The following CEP72 variants were observed in gnomAD, a reference collection of about 807,000 sequenced individuals.
The protein encoded by CEP72 is centrosomal protein of 72 kDa.
CEP72 carries 78 observed loss-of-function variants against 65.7 expected under a neutral mutation model. The ratio of observed to expected loss-of-function variants is 1.19; its 90% CI spans 0.99 to 1.43. The LOEUF (loss-of-function observed/expected upper bound fraction) is 1.43. Among genes scored for constraint, CEP72 ranks in the 40% most tolerant of loss-of-function variants. The probability of loss-of-function intolerance (pLI) is 0.00; values close to 1 mark genes in which losing one functional copy is unlikely to be tolerated. For synonymous variants in CEP72, 358 were observed against 351.7 expected (o/e 1.02, Z -0.20); for missense variants, 914 against 832.9 (o/e 1.10, Z -1.20).
At chr5:615,024 C>CT (rs1340504440) in intron 1 of CEP72, among the ~76,000 whole-genome samples, 21 of 146,016 alleles carry the variant, frequency 1.4e-4, no homozygotes, top group African/African-American at 5.1e-4. Context: ...GTGGATTTGT[C>CT]TGTTTTTTTT....
Position 644,410 on chromosome 5 carries a change from A to G in CEP72, c.1651A>G (p.Asn551Asp). 6.2e-7 allele frequency: 1 copy of G among 1,613,814 alleles called. No individual in the cohort carries two copies. The highest frequency in any genetic ancestry group is 1.1e-5 in the South Asian group (1 of 91,016). ...VKSADTAATL[N>D]LQIAGLQTSV... ...GAGTGCAGACACTGCAGCCACGTTA[A>G]ATTTGCAGATCGCTGGTAAGTTGAT... is the stretch of plus-strand genomic sequence containing the variant. Residue 551 changes from asparagine to aspartate, a missense_variant, in exon 10 of 12, where the codon AAT (asparagine) becomes GAT (aspartate). Transcript: ENST00000264935.
In CEP72 at chr5:645,255, C is replaced by T. The variant is rs1738337982; in HGVS notation, c.1666+830C>T. Among the ~76,000 whole-genome samples the T allele has an allele frequency of 6.6e-6, 1 of 152,092 alleles. No individual in the cohort carries two copies. Among genetic ancestry groups the T allele is most frequent in the Non-Finnish European group, 1.5e-5 (1 of 68,020 alleles). The stretch of plus-strand genomic sequence containing the variant: ...TGGATGAGGCCTGTGGCCGCTCTGT[C>T]TCCTTTGGGGCAGCGTCTCCTTGGA... On this transcript the variant is annotated intron_variant, in intron 10 of 11. Coordinates refer to ENST00000264935, the MANE Select transcript of CEP72 (RefSeq NM_018140.4). This position sits in a 1 kb window ranked among gnomAD's most constrained non-coding sequence, Gnocchi z 4.0.
chr5:656,662 C>A (rs971647735), downstream of CEP72, among the ~76,000 whole-genome samples: 1 of 152,310 alleles, frequency 6.6e-6, no homozygotes, highest in East Asian at 1.9e-4. Flanking sequence ...TTGCCTGTAG[C>A]TGTTTCCTCA....
chr5:667,456 ACTT>A (rs1340562163), downstream of CEP72, among the ~76,000 whole-genome samples: 11 of 152,202 alleles, frequency 7.2e-5, no homozygotes, highest in African/African-American at 1.9e-4. Context: ...TGAAACTAAA[ACTT>A]CTAGAAGAAC....
At chr5:665,225 G>A (rs759660460) in exon 3 of CEP72, 48 of 1,613,768 alleles carry the variant, frequency 3.0e-5, no homozygotes, top group Non-Finnish European at 3.7e-5. Context: ...AGGGGTCGAA[G>A]CGCTCCTTGT....
chr5:659,811 AT>A (rs1004038531), downstream of CEP72: 4 of 152,406 alleles, frequency 2.6e-5, no homozygotes, highest in Non-Finnish European at 4.4e-5. Flanking sequence ...TCCAGTACCT[AT>A]CCCCTGTTAT....
intron 7 of CEP72, 89 bp from the exon 8 acceptor site, chr5:639,000 A>C (rs1308107986): frequency 2.6e-6 from 4 of 1,542,636 alleles, no homozygotes; most frequent in Non-Finnish European, 3.6e-6. Flanking sequence ...TCGTGGTGCG[A>C]GGGCATCCCA....
chr5:614,927 G>A (rs1735896709), intron 1 of CEP72, among the ~76,000 whole-genome samples: 1 of 151,938 alleles, frequency 6.6e-6, no homozygotes, highest in African/African-American at 2.4e-5. Flanking sequence ...TGGTGATATT[G>A]TTCAGTTCTT....
the CEP72 span, among the ~76,000 whole-genome samples, chr5:675,381 AGC>A: frequency 1.6e-5 from 1 of 62,224 alleles, no homozygotes; most frequent in South Asian, 6.6e-4. Flanking sequence ...CCGGGGGTGC[AGC>A]GCAGAGGGTG....
chr5:647,086 A>G (rs890898736), intron 10 of CEP72, among the ~76,000 whole-genome samples: 1 of 152,122 alleles, frequency 6.6e-6, no homozygotes, highest in African/African-American at 2.4e-5. Context: ...TGGCCTTCAC[A>G]CTGTGGATGC....
chr5:623,902 CAG>C lies in CEP72; in HGVS notation c.404-567_404-566del, dbSNP rs1014515965. On this transcript the variant is annotated intron_variant, in intron 3 of 11. Coordinates refer to ENST00000264935, the MANE Select transcript of CEP72 (RefSeq NM_018140.4). This position sits in a 1 kb window ranked among gnomAD's most constrained non-coding sequence, Gnocchi z 5.3. ...ATGGAGGCAGCGTGGGAACTTGTCA[CAG>C]AATTCACATTACAAATGGGGGTTAA... Among the ~76,000 whole-genome samples the C allele has an allele frequency of 6.6e-6, 1 of 152,206 alleles. No individual in the cohort carries two copies. The highest frequency in any genetic ancestry group is 1.5e-5 in the Non-Finnish European group (1 of 68,046).
At chr5:657,824 C>A (rs1739419269), downstream of CEP72, among the ~76,000 whole-genome samples, 1 of 152,202 alleles carries the variant, frequency 6.6e-6, no homozygotes, top group Non-Finnish European at 1.5e-5. Flanking sequence ...GTCTGTTTGT[C>A]TTCTGTTAGA....
At chr5:663,478 A>C (rs886505383) in exon 2 of CEP72, 3 of 152,424 alleles carry the variant, frequency 2.0e-5, no homozygotes, top group African/African-American at 7.2e-5. Flanking sequence ...CCTCAGGTGG[A>C]GGCTTCTCTG....
chr5:621,804 C>G (rs1286670173), intron 3 of CEP72, among the ~76,000 whole-genome samples: 3 of 152,222 alleles, frequency 2.0e-5, no homozygotes, highest in Admixed American at 2.0e-4. Flanking sequence ...GACATAGTCT[C>G]GCTTCATCGC....
In CEP72 at chr5:624,524, T is replaced by C; in HGVS notation, c.457T>C (p.Ser153Pro). The C allele has an allele frequency of 1.2e-6, 2 of 1,614,162 alleles. No individual in the cohort carries two copies. The highest frequency in any genetic ancestry group is 1.7e-6 in the Non-Finnish European group (2 of 1,179,988). ...ERKASRLHFA[S>P]EDSLDSKESV... ...GAAGGCTTCCCGACTGCATTTTGCA[T>C]CAGAGGACTCACTCGACTCCAAAGA... The change falls in exon 4 of 12, where the codon TCA (serine) becomes CCA (proline). Residue 153 changes from serine (S) to proline (P), a missense_variant. By Grantham distance (74) the Ser-to-Pro change is moderately conservative (BLOSUM62 -1). Coordinates refer to ENST00000264935, the MANE Select transcript of CEP72 (RefSeq NM_018140.4). This position sits in a 1 kb window ranked among gnomAD's most constrained non-coding sequence, Gnocchi z 4.7.
chr5:618,396 G>A (rs1736132946), intron 1 of CEP72, among the ~76,000 whole-genome samples: 1 of 138,208 alleles, frequency 7.2e-6, no homozygotes, highest in Admixed American at 7.5e-5. Context: ...GAAAATAAAG[G>A]GATTTATTCC....
chr5:659,836 C>G (rs1739507053), downstream of CEP72: 1 of 152,428 alleles, frequency 6.6e-6, no homozygotes, highest in African/African-American at 2.4e-5. Context: ...CTGTTACAGA[C>G]ACGTGTGCTC....
intron 4 of CEP72, among the ~76,000 whole-genome samples, chr5:628,108 C>T (rs550267577): frequency 5.3e-5 from 8 of 152,358 alleles, no homozygotes; most frequent in East Asian, 1.9e-4. Flanking sequence ...CACAGTGGCA[C>T]AGACACGAGG....
chr5:662,219 T>G (rs1465515559), intron 1 of CEP72: 1 of 152,548 alleles, frequency 6.6e-6, no homozygotes, highest in East Asian at 1.9e-4. Context: ...GGTGAGTCGG[T>G]GCTGGCCGTG....
Sources: gnomAD v4.1 joint callset for allele counts (sites outside exome capture counted in the v4.1 genomes callset) on GRCh38, gnomAD v4.1.1 for gene constraint, Gnocchi (gnomAD v3.1) non-coding constraint, MANE v1.5 for transcripts, NCBI Gene and HGNC (gene_info 2026-07-23, HGNC 2026-07-21) for gene names.